Variants in FAM168B observed in about 807,000 individuals in gnomAD.
FAM168B encodes the protein myelin-associated neurite-outgrowth inhibitor.
In FAM168B, 19 loss-of-function variants were observed where a neutral mutation model predicts 21.8. The ratio of observed to expected loss-of-function variants is 0.87; its 90% CI spans 0.61 to 1.28. The LOEUF (loss-of-function observed/expected upper bound fraction) is 1.28, where lower values mean the gene tolerates loss of function less well. FAM168B is among the 50% of genes most tolerant of loss of function. The pLI, the probability that FAM168B is intolerant of heterozygous loss-of-function variation, is 0.00. For missense variants in FAM168B, 233 were observed against 263.1 expected (o/e 0.89, Z 0.79); for synonymous variants, 126 against 104.8 (o/e 1.20, Z -1.24).
intron 1 of FAM168B, among the ~76,000 whole-genome samples, chr2:131,089,011 G>C (rs1693865969): frequency 6.7e-6 from 1 of 149,666 alleles, no homozygotes; most frequent in Non-Finnish European, 1.5e-5. Flanking sequence ...TTGTTGCCCA[G>C]GCTGGAGTGC....
At chr2:131,086,263 G>A (rs1693694752) in intron 1 of FAM168B, among the ~76,000 whole-genome samples, 2 of 152,060 alleles carry the variant, frequency 1.3e-5, no homozygotes, top group Non-Finnish European at 2.9e-5. Flanking sequence ...TCTGTGCCAG[G>A]AGCTACTAAT....
chr2:131,082,576 C>A lies in FAM168B; in HGVS notation c.70+1G>T. On this transcript the variant is annotated splice_donor_variant, in intron 2 of 6. Transcript: ENST00000389915. LOFTEE classifies it high-confidence loss of function. ...ATGAAAACAAAATTTTACTTACTTA[C>A]CTGGATAACCAATTCCTTTGGCATT... The A allele has an allele frequency of 6.2e-7, 1 of 1,600,234 alleles. No individual in the cohort carries two copies. The highest frequency in any genetic ancestry group is 1.7e-5 in the Admixed American group (1 of 58,000).
intron 3 of FAM168B, among the ~76,000 whole-genome samples, chr2:131,060,313 C>G (rs570949594): frequency 6.6e-6 from 1 of 151,996 alleles, no homozygotes; most frequent in Non-Finnish European, 1.5e-5. Context: ...CGTGAGCCAC[C>G]GCGCCCGGCC....
chr2:131,058,823 C>CTG (rs1470256962), intron 3 of FAM168B, among the ~76,000 whole-genome samples: 2 of 152,172 alleles, frequency 1.3e-5, no homozygotes, highest in African/African-American at 4.8e-5. Flanking sequence ...GGTTAAAACT[C>CTG]ATCAAACTGA....
At chr2:131,059,309 C>G (rs1692179360) in intron 3 of FAM168B, among the ~76,000 whole-genome samples, 1 of 152,094 alleles carries the variant, frequency 6.6e-6, no homozygotes, top group South Asian at 2.1e-4. Flanking sequence ...GCAGGTGGGG[C>G]AAGGATGTCT....
rs1398006445 is a variant in FAM168B, at chr2:131,093,403, C to G, written c.-201G>C. On this transcript the variant is annotated 5_prime_UTR_variant, in exon 1 of 7. Coordinates refer to ENST00000389915, the MANE Select transcript of FAM168B (RefSeq NM_001009993.4). ...CTCGCTCGGCTCCGCTTGGCCCGGC[C>G]CGCCTCTCCGCAGCCCGCGCTCCCC... The G allele has an allele frequency of 6.0e-5, 9 of 151,128 alleles. No homozygotes were observed. Among genetic ancestry groups the G allele is most frequent in the Non-Finnish European group, 1.3e-4 (9 of 67,742 alleles). 9.4% of individuals were successfully genotyped at this position (151,128 alleles called of 1,614,324 possible).
Position 131,049,435 on chromosome 2 carries a change from CGA to C in FAM168B, c.*3028_*3029del, listed in dbSNP as rs1691513923. On this transcript the variant is annotated 3_prime_UTR_variant, in exon 7 of 7. Transcript: ENST00000389915. ...AAGAACGTTCTTAACAGATGGCTCA[CGA>C]GAGACATAAAAGGTTCTGGAAGTGC... The C allele has an allele frequency of 2.0e-6, 2 of 985,396 alleles. No individual in the cohort carries two copies. Among genetic ancestry groups the C allele is most frequent in the Non-Finnish European group, 1.2e-6 (1 of 829,932 alleles). 61.0% of individuals were successfully genotyped at this position (985,396 alleles called of 1,614,324 possible). A position where few individuals can be genotyped will look rare whatever the true frequency, so the allele number is the denominator to read the frequency against.
intron 5 of FAM168B, among the ~76,000 whole-genome samples, chr2:131,053,587 T>C (rs1691826731): frequency 6.6e-6 from 1 of 152,046 alleles, no homozygotes; most frequent in East Asian, 1.9e-4. Context: ...TTAAAAAGGG[T>C]TAAGATGGGC....
chr2:131,090,714 T>C (rs182568089), intron 1 of FAM168B, among the ~76,000 whole-genome samples: 11 of 152,156 alleles, frequency 7.2e-5, no homozygotes, highest in Non-Finnish European at 1.5e-4. Flanking sequence ...AAAATGAACA[T>C]ATATATGTAT....
At chr2:131,091,491 C>CA (rs747257752) in intron 1 of FAM168B, among the ~76,000 whole-genome samples, 34 of 150,164 alleles carry the variant, frequency 2.3e-4, no homozygotes, top group Middle Eastern at 3.5e-3. Context: ...ACTAAAAATA[C>CA]AAAAAATTAG....
Position 131,055,571 on chromosome 2 carries a change from C to T in FAM168B, c.279G>A (p.Gln93=). The part of the protein sequence containing the change: ...AVYPVRSAYP[Q]QSPYAQQGTY... ...AGCATACCTGTGCATACGGGCTCTG[C>T]TGGGGGTAGGCACTTCGCACAGGGT... Residue 93 remains glutamine (Q), a synonymous_variant, in exon 4 of 7, where the codon CAG becomes CAA. Transcript: ENST00000389915. The T allele has an allele frequency of 6.2e-7, 1 of 1,604,330 alleles. No homozygotes were observed. Among genetic ancestry groups the T allele is most frequent in the Non-Finnish European group, 8.5e-7 (1 of 1,175,086 alleles).
Position 131,048,394 on chromosome 2 carries a change from C to G in FAM168B, c.*4071G>C, listed in dbSNP as rs1232513853. 2.3e-6 allele frequency: 3 copies of G among 1,276,832 alleles called. No homozygotes were observed. The highest frequency in any genetic ancestry group is 1.5e-5 in the African/African-American group (1 of 65,212). The allele number at this position is 1,276,832 out of a possible 1,614,324, so 79.1% of individuals were successfully genotyped here. ...ATGCCAGTCCTGGGAGCACACCACC[C>G]TTCTGCAGGCCCGGGGGGGGGTCCC... On this transcript the variant is annotated 3_prime_UTR_variant, in exon 7 of 7. Transcript: ENST00000389915.
intron 3 of FAM168B, among the ~76,000 whole-genome samples, chr2:131,069,842 C>T (rs914139882): frequency 3.4e-5 from 5 of 149,206 alleles, no homozygotes; most frequent in Non-Finnish European, 7.4e-5. Context: ...ATCCATAAAA[C>T]GACTAACCCT....
chr2:131,055,195 C>CA, intron 5 of FAM168B, 77 bp downstream of exon 5: 1 of 1,337,546 alleles, frequency 7.5e-7, no homozygotes, highest in Non-Finnish European at 9.8e-7. Flanking sequence ...AGCCAAGGGT[C>CA]AGAGGATTCG....
chr2:131,053,078 A>C, intron 5 of FAM168B, 63 bp from the exon 6 acceptor site: 1 of 1,486,548 alleles, frequency 6.7e-7, no homozygotes, highest in South Asian at 1.3e-5. Flanking sequence ...ACTGCCTGAT[A>C]CGCACACAAG....
chr2:131,063,919 C>T (rs1692429877), intron 3 of FAM168B, among the ~76,000 whole-genome samples: 2 of 151,872 alleles, frequency 1.3e-5, no homozygotes, highest in South Asian at 4.1e-4. Context: ...AGTAACTCAA[C>T]AGGAACTTCA....
At chr2:131,073,520 G>A (rs1243847698) in intron 2 of FAM168B, among the ~76,000 whole-genome samples, 1 of 152,168 alleles carries the variant, frequency 6.6e-6, no homozygotes, top group Non-Finnish European at 1.5e-5. Flanking sequence ...TTTAATAGGT[G>A]ACGGCTTTAT....
At chr2:131,077,305 C>T (rs1693205803) in intron 2 of FAM168B, among the ~76,000 whole-genome samples, 1 of 151,926 alleles carries the variant, frequency 6.6e-6, no homozygotes, top group Non-Finnish European at 1.5e-5. Context: ...CCGCCTGCAT[C>T]TCTTTTCCAG....
intron 3 of FAM168B, among the ~76,000 whole-genome samples, chr2:131,058,541 A>G (rs1375138927): frequency 6.6e-6 from 1 of 152,216 alleles, no homozygotes; most frequent in Admixed American, 6.5e-5. Flanking sequence ...TTGAAGAAAG[A>G]AAAGATTCCT....
Sources: allele counts gnomAD v4.1 joint callset (sites outside exome capture counted in the v4.1 genomes callset), GRCh38; gene constraint gnomAD v4.1.1; transcripts MANE v1.5; gene names NCBI Gene and HGNC (gene_info 2026-07-23, HGNC 2026-07-21).